EHMT1: variants seen among roughly 807,000 people sequenced by gnomAD.
EHMT1 encodes the protein histone-lysine N-methyltransferase EHMT1.
Under a neutral mutation model 147.2 loss-of-function variants are expected in EHMT1, and 15 were observed. The ratio of observed to expected loss-of-function variants is 0.10; its 90% confidence interval spans 0.07 to 0.16. The LOEUF is 0.16. Among genes scored for constraint, EHMT1 ranks in the 10% least tolerant of loss-of-function variants. The pLI, the probability that EHMT1 is intolerant of heterozygous loss-of-function variation, is 1.00. For missense variants in EHMT1, 1,587 were observed against 1,772.4 expected (o/e 0.90, Z 1.88); for synonymous variants, 795 against 709.6 (o/e 1.12, Z -1.91).
chr9:137,820,651 T>C (rs1300643315), intron 25 of EHMT1, among the ~76,000 whole-genome samples: 1 of 152,222 alleles, frequency 6.6e-6, no homozygotes, highest in Non-Finnish European at 1.5e-5. Flanking sequence ...CTGTGTGTGA[T>C]GTAAGATCAG....
chr9:137,712,745 C>G (rs1944858286), intron 2 of EHMT1, among the ~76,000 whole-genome samples: 1 of 152,020 alleles, frequency 6.6e-6, no homozygotes, highest in South Asian at 2.1e-4. Context: ...TTGATGGTGT[C>G]CTTTGAAGTA....
chr9:137,835,301 C>T lies in EHMT1; in HGVS notation c.*348C>T, dbSNP rs765414760. On this transcript the variant is annotated 3_prime_UTR_variant, in exon 27 of 27. Transcript: ENST00000460843. ...GTTTCTTCCTCTGACCTCCGAGGTCCCCGCTGCACCACGGGGTTGCTCTGT... is the reference window on the plus strand; with the variant it reads ...GTTTCTTCCTCTGACCTCCGAGGTCTCCGCTGCACCACGGGGTTGCTCTGT... 9.7e-6 allele frequency: 2 copies of T among 206,902 alleles called. No homozygotes were observed. Among genetic ancestry groups the T allele is most frequent in the Non-Finnish European group, 9.5e-6 (1 of 105,714 alleles). The allele number at this position is 206,902 out of a possible 1,614,324, so 12.8% of individuals were successfully genotyped here. A position where few individuals can be genotyped will look rare whatever the true frequency, so the allele number is the denominator to read the frequency against.
chr9:137,743,043 G>T, intron 4 of EHMT1: 1 of 367,716 alleles, frequency 2.7e-6, no homozygotes, highest in East Asian at 6.6e-5. Flanking sequence ...AGGGGACTGG[G>T]AGGAGGAGTC....
intron 3 of EHMT1, among the ~76,000 whole-genome samples, chr9:137,725,584 G>A (rs993662510): frequency 6.6e-6 from 1 of 152,176 alleles, no homozygotes; most frequent in Middle Eastern, 3.2e-3. Context: ...TCCAGGGTAG[G>A]TTCCGCAGTA....
intron 1 of EHMT1, among the ~76,000 whole-genome samples, chr9:137,672,657 AGTT>A: frequency 6.6e-6 from 1 of 152,270 alleles, no homozygotes; most frequent in Admixed American, 6.5e-5. Context: ...CCAACCAACC[AGTT>A]TCTGCCTCTC....
intron 14 of EHMT1, among the ~76,000 whole-genome samples, chr9:137,781,174 T>C (rs145556745): frequency 0.62 from 1,850 of 3,002 alleles, 638 homozygotes; most frequent in South Asian, 0.73. Flanking sequence ...CGTGTGGTGA[T>C]GACGCTGGGA....
rs1329432637 is a variant in EHMT1, at chr9:137,732,875, C to G, written c.823+4346C>G. Among the ~76,000 whole-genome samples, 3 of 152,304 alleles carry G rather than the reference C, an allele frequency of 2.0e-5. No homozygotes were observed. Among genetic ancestry groups the G allele is most frequent in the Middle Eastern group, 3.4e-3 (1 of 294 alleles). On this transcript the variant is annotated intron_variant, in intron 4 of 26. Transcript: ENST00000460843. The surrounding 1 kb of genome is among the most constrained non-coding windows in gnomAD (Gnocchi z 4.6). Reference sequence around the variant, plus strand: ...TCAAAGAAAGGCTGAGATTTCTTGTCACGTCTTTCTGTTAATTTTTAATTA... The same window carrying G: ...TCAAAGAAAGGCTGAGATTTCTTGTGACGTCTTTCTGTTAATTTTTAATTA...
Position 137,813,105 on chromosome 9 carries a change from G to T in EHMT1, c.2967G>T (p.Leu989=). ...TCAACTCTCAGGTGTGGAGCGCTCT[G>T]CAGATGAGCAAGGCTCTGCAGGACT... The part of the protein sequence containing the change: ...ASLNSQVWSA[L]QMSKALQDSA... Residue 989 remains leucine, a synonymous_variant, in exon 20 of 27, where the codon CTG becomes CTT. Transcript: ENST00000460843. The surrounding 1 kb of genome is among the most constrained non-coding windows in gnomAD (Gnocchi z 4.9). 1 of 1,613,438 alleles carries T rather than the reference G, an allele frequency of 6.2e-7. No homozygotes were observed. Among genetic ancestry groups the T allele is most frequent in the African/African-American group, 1.3e-5 (1 of 75,068 alleles).
intron 1 of EHMT1, among the ~76,000 whole-genome samples, chr9:137,628,153 C>T (rs1843387419): frequency 1.3e-5 from 2 of 152,334 alleles, no homozygotes; most frequent in East Asian, 3.9e-4. Flanking sequence ...TTGCAGGCAT[C>T]ACCCCCATTG....
At chr9:137,647,565 T>G (rs1290111429) in intron 1 of EHMT1, among the ~76,000 whole-genome samples, 1 of 151,852 alleles carries the variant, frequency 6.6e-6, no homozygotes, top group African/African-American at 2.4e-5. Flanking sequence ...GCACGCAGAC[T>G]TCCTGTGCCT....
At position 137,710,968 on chromosome 9, in the gene EHMT1, C is replaced by T. The variant is rs375391530; in HGVS notation, c.23C>T (p.Ala8Val). MAAADAE[A>V]VPARGEPQQD... ...ACGGCTGTTGTTTCTCTCTAACAGG[C>T]AGTTCCGGCGAGGGGGGAGCCTCAG... Residue 8 changes from alanine to valine, a missense_variant and splice_region_variant, in exon 2 of 27, where the codon GCA becomes GTA. Coordinates refer to ENST00000460843, the MANE Select transcript of EHMT1 (RefSeq NM_024757.5). The T allele has an allele frequency of 1.4e-5, 22 of 1,596,306 alleles. No individual in the cohort carries two copies. Among genetic ancestry groups the T allele is most frequent in the East Asian group, 9.1e-5 (4 of 44,182 alleles).
At chr9:137,658,506 G>A (rs1232204311) in intron 1 of EHMT1, among the ~76,000 whole-genome samples, 2 of 151,912 alleles carry the variant, frequency 1.3e-5, no homozygotes, top group Admixed American at 1.3e-4. Context: ...TTGTATCTAA[G>A]GTAGCTTCTC....
chr9:137,792,644 G>A (rs974416382), intron 16 of EHMT1, among the ~76,000 whole-genome samples: 1 of 152,210 alleles, frequency 6.6e-6, no homozygotes, highest in Non-Finnish European at 1.5e-5. Flanking sequence ...GGCGGAAGTT[G>A]CAGTGAGCCG....
At chr9:137,663,853 T>C (rs891098459) in intron 1 of EHMT1, among the ~76,000 whole-genome samples, 6 of 152,246 alleles carry the variant, frequency 3.9e-5, no homozygotes, top group Non-Finnish European at 7.3e-5. Flanking sequence ...CCTTGTTCCC[T>C]GTGATCTGGG....
At chr9:137,792,817 A>G (rs1000487570) in intron 16 of EHMT1, among the ~76,000 whole-genome samples, 3 of 152,224 alleles carry the variant, frequency 2.0e-5, no homozygotes, top group African/African-American at 7.2e-5. Context: ...TTTGACAATG[A>G]TTTCTTGGAT....
intron 1 of EHMT1, chr9:137,646,374 G>A (rs574700831): frequency 6.1e-6 from 6 of 985,512 alleles, no homozygotes; most frequent in South Asian, 4.7e-5. Context: ...TTTGTGCTGC[G>A]GGCAAGAATC....
chr9:137,761,805 C>A (rs1327307163), intron 9 of EHMT1, among the ~76,000 whole-genome samples: 1 of 152,220 alleles, frequency 6.6e-6, no homozygotes, highest in Non-Finnish European at 1.5e-5. Flanking sequence ...GTATTTGAGA[C>A]AATGATTCAT....
At chr9:137,741,483 G>A (rs1564671314) in intron 4 of EHMT1, among the ~76,000 whole-genome samples, 1 of 152,216 alleles carries the variant, frequency 6.6e-6, no homozygotes, top group Non-Finnish European at 1.5e-5. Flanking sequence ...GATGCAGACA[G>A]TATGTAGACA....
At chr9:137,650,562 A>G (rs1390507285) in intron 1 of EHMT1, among the ~76,000 whole-genome samples, 2 of 150,798 alleles carry the variant, frequency 1.3e-5, no homozygotes, top group African/African-American at 4.9e-5. Context: ...ATGCCTGTTT[A>G]TATCCTTTGC....
Sources: allele counts gnomAD v4.1 joint callset (sites outside exome capture counted in the v4.1 genomes callset), GRCh38; gene constraint gnomAD v4.1.1; non-coding constraint Gnocchi (gnomAD v3.1); transcripts MANE v1.5; gene names NCBI Gene and HGNC (gene_info 2026-07-23, HGNC 2026-07-21).